IL1RL1: variants seen among roughly 807,000 people sequenced by gnomAD.
The protein encoded by IL1RL1 is interleukin-1 receptor-like 1.
In IL1RL1, 32 loss-of-function variants were observed where a neutral mutation model predicts 50.9. That is an observed-to-expected ratio of 0.63 (90% confidence interval 0.47 to 0.84). The LOEUF (loss-of-function observed/expected upper bound fraction) is 0.84, where lower values mean the gene tolerates loss of function less well. Among genes scored for constraint, IL1RL1 ranks in the 40% least tolerant of loss-of-function variants. The pLI, the probability that IL1RL1 is intolerant of heterozygous loss-of-function variation, is 0.00. For missense variants in IL1RL1, 773 were observed against 662.9 expected, an observed-to-expected ratio of 1.17 and a Z score of -1.82; for synonymous variants, 275 against 236.0, an observed-to-expected ratio of 1.17 and a Z score of -1.51.
chr2:102,343,806 T>C (rs1035590212), intron 8 of IL1RL1: 1 of 1,082,912 alleles, frequency 9.2e-7, no homozygotes, highest in Non-Finnish European at 1.1e-6. Flanking sequence ...GTTGTAAGCA[T>C]GGTCCGTTCT....
intron 1 of IL1RL1, among the ~76,000 whole-genome samples, chr2:102,327,840 C>T (rs903289649): frequency 6.6e-6 from 1 of 152,042 alleles, no homozygotes; most frequent in African/African-American, 2.4e-5. Flanking sequence ...CAATAACAGG[C>T]TCTGAAATTG....
chr2:102,322,877 A>G (rs1321312077), intron 1 of IL1RL1, among the ~76,000 whole-genome samples: 1 of 152,016 alleles, frequency 6.6e-6, no homozygotes, highest in South Asian at 2.1e-4. Flanking sequence ...TGGGCTTCCT[A>G]TAGGTATGAT....
intron 3 of IL1RL1, 42 bp downstream of exon 3, chr2:102,339,089 C>T: frequency 7.0e-7 from 1 of 1,432,678 alleles, no homozygotes. Context: ...CCCTGCTCCC[C>T]TTTCTTCAGT....
chr2:102,349,322 C>A, intron 10 of IL1RL1, 76 bp downstream of exon 10: 2 of 1,173,560 alleles, frequency 1.7e-6, no homozygotes, highest in Non-Finnish European at 2.5e-6. Flanking sequence ...CTTATCCCTG[C>A]ATTGGATAAT....
At chr2:102,332,947 G>C (rs1559600112) in intron 1 of IL1RL1, among the ~76,000 whole-genome samples, 1 of 152,134 alleles carries the variant, frequency 6.6e-6, no homozygotes, top group East Asian at 1.9e-4. Context: ...GAGGAGGTGG[G>C]TAACAGGAAG....
rs1167194872 is a variant in IL1RL1, at chr2:102,339,048, G to T, written c.272+1G>T. 1.2e-6 allele frequency: 2 copies of T among 1,604,464 alleles called. No individual in the cohort carries two copies. Among genetic ancestry groups the T allele is most frequent in the Non-Finnish European group, 1.7e-6 (2 of 1,172,996 alleles). ...GTATTTATACCTGTATTGTCAGAAG[G>T]TATTATGCAGAAGGCTCCCATCTTC... On this transcript the variant is annotated splice_donor_variant, in intron 3 of 10. Coordinates refer to ENST00000233954, the MANE Select transcript of IL1RL1 (RefSeq NM_016232.5). LOFTEE classifies it high-confidence loss of function.
intron 8 of IL1RL1, among the ~76,000 whole-genome samples, chr2:102,347,175 C>T (rs754621581): frequency 6.6e-6 from 1 of 152,214 alleles, no homozygotes; most frequent in Non-Finnish European, 1.5e-5. Flanking sequence ...CCCGTTGATG[C>T]CTTCTCCTTA....
At chr2:102,344,737 A>G in intron 8 of IL1RL1, 1 of 944,352 alleles carries the variant, frequency 1.1e-6, no homozygotes, top group Non-Finnish European at 1.3e-6. Flanking sequence ...TTGATACCAA[A>G]TGTTTTTTTT....
At chr2:102,349,524 A>G (rs943915737) in intron 10 of IL1RL1, among the ~76,000 whole-genome samples, 12 of 152,114 alleles carry the variant, frequency 7.9e-5, no homozygotes, top group Admixed American at 7.2e-4. Context: ...TCCCTACTTT[A>G]TTCCCTTGGT....
intron 1 of IL1RL1, among the ~76,000 whole-genome samples, chr2:102,336,529 C>T (rs1677333223): frequency 6.6e-6 from 1 of 152,164 alleles, no homozygotes; most frequent in Non-Finnish European, 1.5e-5. Context: ...AGGGTCATCG[C>T]AACTATGCAT....
chr2:102,317,432 T>A (rs1676710917), intron 1 of IL1RL1, among the ~76,000 whole-genome samples: 1 of 152,190 alleles, frequency 6.6e-6, no homozygotes, highest in South Asian at 2.1e-4. Context: ...ACAGATAGTT[T>A]AAGAATAATA....
At chr2:102,340,902 T>C in intron 5 of IL1RL1, 74 bp downstream of exon 5, 1 of 1,211,344 alleles carries the variant, frequency 8.3e-7, no homozygotes, top group Non-Finnish European at 1.1e-6. Context: ...GCCCTTCTGG[T>C]TGGGTTTCTT....
intron 1 of IL1RL1, among the ~76,000 whole-genome samples, chr2:102,336,557 G>T (rs1178800504): frequency 2.6e-5 from 4 of 152,100 alleles, no homozygotes; most frequent in Admixed American, 6.5e-5. Flanking sequence ...ATCAAATTTT[G>T]CTTTTCAAGT....
At chr2:102,344,742 T>A (rs761509110) in intron 8 of IL1RL1, 2 of 944,404 alleles carry the variant, frequency 2.1e-6, no homozygotes, top group Non-Finnish European at 2.5e-6. Context: ...ACCAAATGTT[T>A]TTTTTGTGTA....
chr2:102,340,017 A>G (rs1340939465), intron 3 of IL1RL1, 81 bp from the exon 4 acceptor site: 1 of 731,994 alleles, frequency 1.4e-6, no homozygotes, highest in African/African-American at 1.8e-5. Context: ...AAGAAAAGCA[A>G]TATTAAGTAA....
rs1342145853 is a variant in IL1RL1 at position 102,351,716 on chromosome 2, A to G, written c.1466A>G (p.Asp489Gly). ...LIEMEALSEL[D>G]MLQAEALQDS... ...GAGATGGAGGCTCTGAGCGAGCTGG[A>G]CATGCTGCAGGCTGAGGCGCTTCAG... The change falls in exon 11 of 11, where the codon GAC (aspartate) becomes GGC (glycine). Residue 489 changes from aspartate to glycine, a missense_variant. Coordinates refer to ENST00000233954, the MANE Select transcript of IL1RL1 (RefSeq NM_016232.5). 1.2e-6 allele frequency: 2 copies of G among 1,614,140 alleles called. No homozygotes were observed. Among genetic ancestry groups the G allele is most frequent in the Non-Finnish European group, 1.7e-6 (2 of 1,180,006 alleles).
intron 10 of IL1RL1, among the ~76,000 whole-genome samples, chr2:102,350,893 G>C (rs1677911839): frequency 6.6e-6 from 1 of 152,204 alleles, no homozygotes; most frequent in South Asian, 2.1e-4. Context: ...CTGTTGCAGT[G>C]AGGACTGGGT....
intron 1 of IL1RL1, among the ~76,000 whole-genome samples, chr2:102,322,827 C>T (rs143255319): frequency 2.0e-5 from 3 of 152,156 alleles, no homozygotes; most frequent in Non-Finnish European, 4.4e-5. Flanking sequence ...TCCACATACT[C>T]TCTAGTTTCC....
rs1573127485 is a variant in IL1RL1 at position 102,317,150 on chromosome 2, C to T, written c.-150+5527C>T. Among the ~76,000 whole-genome samples the T allele has an allele frequency of 4.6e-5, 7 of 152,058 alleles. No homozygotes were observed. In the South Asian group the frequency reaches 1.2e-3, roughly 27 times the overall value. On this transcript the variant is annotated intron_variant, in intron 1 of 10. Transcript: ENST00000233954. ...CAGGTGGATCATGAGGTCAGGAGAT[C>T]GAGACCATCCTGGCTAACACGGTGA...
Sources: gnomAD v4.1 joint callset for allele counts (sites outside exome capture counted in the v4.1 genomes callset) on GRCh38, gnomAD v4.1.1 for gene constraint, MANE v1.5 for transcripts, NCBI Gene and HGNC (gene_info 2026-07-23, HGNC 2026-07-21) for gene names.